The following THOC7 variants were observed in gnomAD, a reference collection of about 807,000 sequenced individuals.
THOC7 encodes the protein NIF3L1-binding protein 1.
Under a neutral mutation model 33.1 loss-of-function variants are expected in THOC7, and 22 were observed. The ratio of observed to expected loss-of-function variants is 0.66; its 90% CI spans 0.47 to 0.95. THOC7 has a LOEUF of 0.95. Ranked by LOEUF, THOC7 falls within the 40% of genes least tolerant of loss-of-function variation. The pLI, the probability that THOC7 is intolerant of heterozygous loss-of-function variation, is 0.00. For missense variants in THOC7, 184 were observed against 245.3 expected (o/e 0.75, Z 1.67); for synonymous variants, 77 against 76.8 (o/e 1.00, Z -0.01).
chr3:63,838,648 A>G, intron 2 of THOC7, 149 bp from the exon 3 acceptor site: 1 of 754,402 alleles, frequency 1.3e-6, no homozygotes, highest in Middle Eastern at 3.8e-4. Context: ...TCTGTCCCTT[A>G]AGTTTTCTTT....
Position 63,863,760 on chromosome 3 carries a change from G to A in THOC7, c.19+12C>T. The stretch of plus-strand genomic sequence containing the variant: ...GTGCAGCGGGCGCGTGTGGCGGCGA[G>A]CGGGGCCTCACCGTCAGTCACGGCT... On this transcript the variant is annotated intron_variant, in intron 1 of 7. Transcript: ENST00000295899. 8.0e-7 allele frequency: 1 copy of A among 1,251,240 alleles called. No homozygotes were observed. The highest frequency in any genetic ancestry group is 3.1e-5 in the East Asian group (1 of 31,864). The allele number at this position is 1,251,240 out of a possible 1,614,324, so 77.5% of individuals were successfully genotyped here.
chr3:63,850,476 C>T (rs1018146383), intron 1 of THOC7, among the ~76,000 whole-genome samples: 1 of 151,494 alleles, frequency 6.6e-6, no homozygotes, highest in Non-Finnish European at 1.5e-5. Context: ...GCTGGGATTA[C>T]AAGCGTGAGT....
At chr3:63,839,281 A>G (rs1701704706) in intron 2 of THOC7, among the ~76,000 whole-genome samples, 1 of 152,192 alleles carries the variant, frequency 6.6e-6, no homozygotes, top group South Asian at 2.1e-4. Context: ...ATTAAAGTTA[A>G]TGGCAGAAAT....
chr3:63,835,287 TAGAC>T (rs777002257), intron 6 of THOC7, 33 bp downstream of exon 6: 27 of 1,612,060 alleles, frequency 1.7e-5, no homozygotes, highest in Non-Finnish European at 2.2e-5. Flanking sequence ...GACAGACAGA[TAGAC>T]AGATCATGAA....
At chr3:63,862,133 T>A (rs1483179459) in intron 1 of THOC7, among the ~76,000 whole-genome samples, 2 of 152,236 alleles carry the variant, frequency 1.3e-5, no homozygotes, top group Non-Finnish European at 2.9e-5. Flanking sequence ...ACCACACCAG[T>A]GTTAAAACTT....
chr3:63,860,635 T>A (rs536715107), intron 1 of THOC7: 7 of 152,310 alleles, frequency 4.6e-5, no homozygotes, highest in African/African-American at 1.7e-4. Flanking sequence ...ACAGGTCACT[T>A]ACAGCTTGGT....
chr3:63,863,811 C>T, upstream of THOC7: 4 of 1,234,266 alleles, frequency 3.2e-6, no homozygotes, highest in Middle Eastern at 3.1e-4. Context: ...GCGGCGGCGG[C>T]GGCGGCGGCG....
chr3:63,856,780 C>T (rs1473641004), intron 1 of THOC7, among the ~76,000 whole-genome samples: 2 of 151,832 alleles, frequency 1.3e-5, no homozygotes, highest in African/African-American at 4.8e-5. Context: ...GTGCGTGGCG[C>T]TATCTCGGCT....
chr3:63,843,579 T>G (rs1256787308), intron 1 of THOC7, among the ~76,000 whole-genome samples: 2 of 152,120 alleles, frequency 1.3e-5, no homozygotes, highest in East Asian at 1.9e-4. Context: ...GGAATCAATT[T>G]GGGTGTTTAC....
At position 63,835,690 on chromosome 3, in the gene THOC7, G is replaced by GT. The variant is rs549931265; in HGVS notation, c.411-301dup. On this transcript the variant is annotated intron_variant, in intron 5 of 7. Transcript: ENST00000295899. ...CATATTGTGAAGTTTAACTTCGAGGGTTTTTTATTTTGGTAAAAGAAATAA... is the reference window on the plus strand; with the variant it reads ...CATATTGTGAAGTTTAACTTCGAGGGTTTTTTTATTTTGGTAAAAGAAATAA... Among the ~76,000 whole-genome samples, 53 of 152,114 alleles carry GT rather than the reference G, an allele frequency of 3.5e-4. No homozygotes were observed. In the East Asian group the frequency reaches 7.9e-3, roughly 23 times the overall value.
chr3:63,838,210 A>T (rs1331940122), intron 3 of THOC7, 148 bp from the exon 4 acceptor site: 2 of 894,284 alleles, frequency 2.2e-6, no homozygotes, highest in East Asian at 5.4e-5. Flanking sequence ...GTACTATATC[A>T]TCTTAGAATA....
chr3:63,855,992 T>C (rs955065324), intron 1 of THOC7, among the ~76,000 whole-genome samples: 6 of 152,236 alleles, frequency 3.9e-5, no homozygotes, highest in African/African-American at 1.4e-4. Context: ...TTTTGACTTA[T>C]CTTTTAGAAA....
At chr3:63,835,669 T>C (rs1237204897) in intron 5 of THOC7, among the ~76,000 whole-genome samples, 1 of 152,064 alleles carries the variant, frequency 6.6e-6, no homozygotes, top group Non-Finnish European at 1.5e-5. Flanking sequence ...ATGATACATA[T>C]TGTGAAGTTT....
Position 63,863,403 on chromosome 3 carries a change from C to CA in THOC7, c.19+368dup. ...CCTGGGTCCTCACCGCGCCCCTAGACAAACCCGGACTCCCTCTGGTCCCAC... is the reference window on the plus strand; with the variant it reads ...CCTGGGTCCTCACCGCGCCCCTAGACAAAACCCGGACTCCCTCTGGTCCCAC... On this transcript the variant is annotated intron_variant, in intron 1 of 7. Coordinates refer to ENST00000295899, the MANE Select transcript of THOC7 (RefSeq NM_025075.4). The CA allele has an allele frequency of 5.7e-6, 6 of 1,054,404 alleles. No individual in the cohort carries two copies. In the South Asian group the frequency reaches 2.7e-4, roughly 48 times the overall value. The allele number at this position is 1,054,404 out of a possible 1,614,324, so 65.3% of individuals were successfully genotyped here.
chr3:63,847,394 C>A (rs1701921789), intron 1 of THOC7, among the ~76,000 whole-genome samples: 1 of 152,126 alleles, frequency 6.6e-6, no homozygotes, highest in African/African-American at 2.4e-5. Context: ...AAGCTTTCTG[C>A]AAGCAATTAT....
intron 1 of THOC7, 87 bp downstream of exon 1, chr3:63,863,685 C>G: frequency 2.2e-5 from 27 of 1,238,758 alleles, no homozygotes; most frequent in Non-Finnish European, 2.6e-5. Context: ...CCGAGGGGTT[C>G]CCGGAAGCGG....
At position 63,846,968 on chromosome 3, in the gene THOC7, G is replaced by C. The variant is rs540848744; in HGVS notation, c.20-7195C>G. On this transcript the variant is annotated intron_variant, in intron 1 of 7. Transcript: ENST00000295899. ...GCAACCTAGAATGACATTTGGGCCT[G>C]TCCTAGGGTGCTTCCCCAAATAAGC... Among the ~76,000 whole-genome samples the C allele has an allele frequency of 4.9e-3, 748 of 152,258 alleles. 4 individuals are homozygous for C. The highest frequency in any genetic ancestry group is 6.3e-3 in the Non-Finnish European group (430 of 68,012).
intron 1 of THOC7, among the ~76,000 whole-genome samples, chr3:63,848,167 G>A (rs1701941047): frequency 6.6e-6 from 1 of 152,154 alleles, no homozygotes; most frequent in South Asian, 2.1e-4. Flanking sequence ...TCTACATTCT[G>A]TGGAGAATCC....
intron 1 of THOC7, among the ~76,000 whole-genome samples, chr3:63,855,394 T>G (rs1702096303): frequency 1.3e-5 from 2 of 152,140 alleles, no homozygotes; most frequent in African/African-American, 4.8e-5. Flanking sequence ...AAATATAAAA[T>G]TATTCAAGAC....
Sources: allele counts gnomAD v4.1 joint callset (sites outside exome capture counted in the v4.1 genomes callset), GRCh38; gene constraint gnomAD v4.1.1; transcripts MANE v1.5; gene names NCBI Gene and HGNC (gene_info 2026-07-23, HGNC 2026-07-21).